NBEAL1: variants seen among roughly 807,000 people sequenced by gnomAD.
NBEAL1 encodes the protein neurobeachin-like protein 1.
NBEAL1 carries 273 observed loss-of-function variants against 351.3 expected under a neutral mutation model. The observed-to-expected ratio is 0.78, with a 90% confidence interval of 0.70 to 0.86. The LOEUF (loss-of-function observed/expected upper bound fraction) is 0.86. Among genes scored for constraint, NBEAL1 ranks in the 40% least tolerant of loss-of-function variants. The probability of loss-of-function intolerance (pLI) is 0.00; values close to 1 mark genes in which losing one functional copy is unlikely to be tolerated. For synonymous variants in NBEAL1, 1,050 were observed against 1,086.4 expected (o/e 0.97, Z 0.66); for missense variants, 2,961 against 3,201.3 (o/e 0.92, Z 1.81).
In NBEAL1 at chr2:203,133,132, G is replaced by A. The variant is rs1351630755; in HGVS notation, c.3799G>A (p.Ala1267Thr). 3 of 1,476,582 alleles carry A rather than the reference G, an allele frequency of 2.0e-6. No individual in the cohort carries two copies. The Admixed American group carries it at 6.2e-5, about 31-fold the overall frequency. The allele number at this position is 1,476,582 out of a possible 1,614,324, so 91.5% of individuals were successfully genotyped here. Residue 1267 changes from alanine to threonine, a missense_variant, in exon 27 of 56, where the codon GCC becomes ACC. Coordinates refer to ENST00000683969, the MANE Select transcript of NBEAL1 (RefSeq NM_001378026.1). ...SHRAHINVRV[A>T]ICRKVLQILQ... The stretch of plus-strand genomic sequence containing the variant: ...CAGAGCACATATAAATGTTAGAGTG[G>A]CCATCTGCAGAAAGGTCAGTAAACT...
chr2:203,213,432 G>A, intron 54 of NBEAL1, 86 bp from the exon 55 acceptor site: 2 of 1,237,814 alleles, frequency 1.6e-6, no homozygotes, highest in Non-Finnish European at 2.3e-6. Context: ...AACTAGATGA[G>A]CATTAATTTA....
rs757817387 is a variant in NBEAL1, at chr2:203,201,693, C to T, written c.7389C>T (p.Ile2463=). 1.2e-6 allele frequency: 2 copies of T among 1,602,740 alleles called. No individual in the cohort carries two copies. The highest frequency in any genetic ancestry group is 1.3e-5 in the African/African-American group (1 of 74,792). The part of the protein sequence containing the change: ...QVMSLTKGKI[I]SHIIRHMDIV... ...TGTCACTTACAAAAGGCAAAATTAT[C>T]TCACACATCATCCGGCATATGGGTA... Residue 2463 remains isoleucine, a synonymous_variant, in exon 50 of 56, where the codon ATC becomes ATT. Coordinates refer to ENST00000683969, the MANE Select transcript of NBEAL1 (RefSeq NM_001378026.1).
At chr2:203,188,342 A>G (rs1270608908) in intron 44 of NBEAL1, 130 bp from the exon 45 acceptor site, 1 of 500,298 alleles carries the variant, frequency 2.0e-6, no homozygotes, top group African/African-American at 1.9e-5. Flanking sequence ...TTTTGAGATA[A>G]TTTTATTTTG....
intron 23 of NBEAL1, 27 bp downstream of exon 23, chr2:203,126,953 T>A (rs1259990049): frequency 1.4e-6 from 2 of 1,435,320 alleles, no homozygotes; most frequent in East Asian, 2.5e-5. Flanking sequence ...CTTTCTCAGT[T>A]TGATATATTA....
At chr2:203,063,374 G>T (rs950343706) in intron 6 of NBEAL1, among the ~76,000 whole-genome samples, 1 of 145,566 alleles carries the variant, frequency 6.9e-6, no homozygotes, top group Non-Finnish European at 1.5e-5. Context: ...CTGAGCCCAG[G>T]AGTTGAAGCC....
rs1244610879 is a variant in NBEAL1 at position 203,218,020 on chromosome 2, TTAATAA to T, written c.*669_*674del. On this transcript the variant is annotated 3_prime_UTR_variant, in exon 56 of 56. Transcript: ENST00000683969. ...AGATACATTTTACAGATGTATTTCC[TTAATAA>T]TATAATTAAGCAAAAGTGCTAATTG... 1.3e-6 allele frequency: 1 copy of T among 766,674 alleles called. No homozygotes were observed. The highest frequency in any genetic ancestry group is 1.9e-5 in the African/African-American group (1 of 52,828). 47.5% of individuals were successfully genotyped at this position (766,674 alleles called of 1,614,324 possible). A position where few individuals can be genotyped will look rare whatever the true frequency, so the allele number is the denominator to read the frequency against.
rs2065915103 is a variant in NBEAL1 at position 203,217,926 on chromosome 2, T to G, written c.*572T>G. ...CTAATTCTATTACTACTTAGCGTGT[T>G]TCTAATGAGAAGTTACTGAAATCTA... On this transcript the variant is annotated 3_prime_UTR_variant, in exon 56 of 56. Coordinates refer to ENST00000683969, the MANE Select transcript of NBEAL1 (RefSeq NM_001378026.1). 1 of 969,086 alleles carries G rather than the reference T, an allele frequency of 1.0e-6. No individual in the cohort carries two copies. Among genetic ancestry groups the G allele is most frequent in the Non-Finnish European group, 1.2e-6 (1 of 815,174 alleles). 60.0% of individuals were successfully genotyped at this position (969,086 alleles called of 1,614,324 possible). A position where few individuals can be genotyped will look rare whatever the true frequency, so the allele number is the denominator to read the frequency against.
chr2:203,088,676 C>T (rs913649751), intron 10 of NBEAL1, among the ~76,000 whole-genome samples: 3 of 152,146 alleles, frequency 2.0e-5, no homozygotes, highest in Admixed American at 1.3e-4. Flanking sequence ...TATTCATATT[C>T]CCTTTCTTGC....
At chr2:203,038,338 A>G (rs948902298) in intron 2 of NBEAL1, among the ~76,000 whole-genome samples, 1 of 149,016 alleles carries the variant, frequency 6.7e-6, no homozygotes, top group Non-Finnish European at 1.5e-5. Flanking sequence ...AATGTATGAG[A>G]GTTACAGTTA....
In NBEAL1 at chr2:203,093,112, G is replaced by A. The variant is rs576015797; in HGVS notation, c.1099-4435G>A. Among the ~76,000 whole-genome samples, 7 of 151,462 alleles carry A rather than the reference G, an allele frequency of 4.6e-5. No individual in the cohort carries two copies. The South Asian group carries it at 1.5e-3, about 32-fold the overall frequency. ...CCAGCCGTGGTGGTACATGCCTGTA[G>A]TCCCAGCTACTGGGGAGGCTGAGGC... On this transcript the variant is annotated intron_variant, in intron 10 of 55. Coordinates refer to ENST00000683969, the MANE Select transcript of NBEAL1 (RefSeq NM_001378026.1).
At chr2:203,161,432 C>G (rs1335484697) in intron 36 of NBEAL1, among the ~76,000 whole-genome samples, 4 of 151,206 alleles carry the variant, frequency 2.6e-5, no homozygotes, top group Non-Finnish European at 5.9e-5. Flanking sequence ...AGATTGAGAT[C>G]ATCCTGGCCA....
At chr2:203,142,763 A>T (rs2063412349) in intron 31 of NBEAL1, among the ~76,000 whole-genome samples, 1 of 152,124 alleles carries the variant, frequency 6.6e-6, no homozygotes, top group East Asian at 1.9e-4. Context: ...TATTTCCTGG[A>T]TGTAGGGATT....
At chr2:203,094,103 A>T (rs914522392) in intron 10 of NBEAL1, among the ~76,000 whole-genome samples, 3 of 152,196 alleles carry the variant, frequency 2.0e-5, no homozygotes, top group Non-Finnish European at 4.4e-5. Flanking sequence ...AACACTAATA[A>T]TTGATGGAGG....
intron 12 of NBEAL1, among the ~76,000 whole-genome samples, chr2:203,102,514 G>C (rs2062348238): frequency 6.6e-6 from 1 of 152,336 alleles, no homozygotes. Flanking sequence ...TTTTTAACAT[G>C]AAGCGATGCT....
rs768010312 is a variant in NBEAL1, at chr2:203,172,852, A to T, written c.6322A>T (p.Lys2108Ter). The change falls in exon 41 of 56, where the codon AAA becomes TAA. Residue 2108 changes from lysine (K) to a stop codon, truncating the protein, a stop_gained and splice_region_variant. Transcript: ENST00000683969. LOFTEE classifies it high-confidence loss of function. Reference sequence around the variant, plus strand: ...AAAAAACGCCAAAGCTATGAGAGAAAAGTAAGTGCTTCTTATTCCTTTTAT... The same window carrying T: ...AAAAAACGCCAAAGCTATGAGAGAATAGTAAGTGCTTCTTATTCCTTTTAT... ...NEKNAKAMREKYENFEDPMGT... is the reference protein window; with the variant it reads ...NEKNAKAMRE 2 of 1,600,864 alleles carry T rather than the reference A, an allele frequency of 1.2e-6. No homozygotes were observed. The highest frequency in any genetic ancestry group is 3.4e-5 in the Admixed American group (2 of 58,226).
intron 3 of NBEAL1, among the ~76,000 whole-genome samples, chr2:203,045,517 T>G (rs1028013920): frequency 6.6e-6 from 1 of 152,204 alleles, no homozygotes; most frequent in Non-Finnish European, 1.5e-5. Flanking sequence ...AAATGAAATA[T>G]TTGTAACTGG....
At chr2:203,186,663 G>A (rs527551656) in intron 44 of NBEAL1, among the ~76,000 whole-genome samples, 5 of 152,216 alleles carry the variant, frequency 3.3e-5, no homozygotes, top group Middle Eastern at 3.4e-3. Flanking sequence ...GTTTACAGGA[G>A]TATCTTTGTC....
chr2:203,149,376 G>A (rs2063593050), intron 34 of NBEAL1, among the ~76,000 whole-genome samples: 1 of 151,910 alleles, frequency 6.6e-6, no homozygotes, highest in South Asian at 2.1e-4. Context: ...TTGATATGAA[G>A]TTTATTGGAC....
At chr2:203,176,437 AAAGTAGG>A (rs2064503940) in intron 42 of NBEAL1, among the ~76,000 whole-genome samples, 1 of 152,108 alleles carries the variant, frequency 6.6e-6, no homozygotes, top group South Asian at 2.1e-4. Flanking sequence ...AAGATACAGT[AAAGTAGG>A]CCAGGTGTGG....
Sources: gnomAD v4.1 joint callset for allele counts (sites outside exome capture counted in the v4.1 genomes callset) on GRCh38, gnomAD v4.1.1 for gene constraint, MANE v1.5 for transcripts, NCBI Gene and HGNC (gene_info 2026-07-23, HGNC 2026-07-21) for gene names.